GUCY1A1: variants seen among roughly 807,000 people sequenced by gnomAD.
GUCY1A1 encodes the protein guanylate cyclase soluble subunit alpha-1.
Under a neutral mutation model 64.5 loss-of-function variants are expected in GUCY1A1, and 48 were observed. That is an observed-to-expected ratio of 0.74 (90% confidence interval 0.59 to 0.95). The LOEUF (loss-of-function observed/expected upper bound fraction) is 0.95. GUCY1A1 is among the 40% of genes least tolerant of loss of function. GUCY1A1 has a pLI of 0.00. For missense variants in GUCY1A1, 804 were observed against 825.3 expected (o/e 0.97, Z 0.32); for synonymous variants, 308 against 303.4 (o/e 1.02, Z -0.16).
intron 2 of GUCY1A1, among the ~76,000 whole-genome samples, chr4:155,694,579 TG>T (rs1186653497): frequency 6.6e-6 from 1 of 152,230 alleles, no homozygotes; most frequent in Non-Finnish European, 1.5e-5. Flanking sequence ...CTACTGGCTA[TG>T]TTCACAGTCT....
chr4:155,684,325 T>C (rs1366535710), intron 2 of GUCY1A1, among the ~76,000 whole-genome samples: 1 of 152,220 alleles, frequency 6.6e-6, no homozygotes, highest in Non-Finnish European at 1.5e-5. Flanking sequence ...TCATTTCTGG[T>C]AATGATTCTT....
chr4:155,710,425 T>C lies in GUCY1A1; in HGVS notation c.377-117T>C, dbSNP rs552272247. 2.1e-4 allele frequency: 137 copies of C among 644,712 alleles called. No homozygotes were observed. The East Asian group carries it at 3.4e-3, about 16-fold the overall frequency. The allele number at this position is 644,712 out of a possible 1,614,324, so 39.9% of individuals were successfully genotyped here. On this transcript the variant is annotated intron_variant, in intron 5 of 9. Transcript: ENST00000506455. ...GTTTCATTTTGGTTGGAAATGTTAT[T>C]AGCAGATATAAAGGGAGCTAAATCA...
intron 9 of GUCY1A1, chr4:155,722,505 G>A (rs1734098893): frequency 1.0e-6 from 1 of 997,512 alleles, no homozygotes; most frequent in Non-Finnish European, 1.2e-6. Flanking sequence ...ACATCAACTA[G>A]TACACTGCAG....
chr4:155,671,171 G>A (rs1734097417), intron 2 of GUCY1A1, among the ~76,000 whole-genome samples: 1 of 152,068 alleles, frequency 6.6e-6, no homozygotes, highest in South Asian at 2.1e-4. Context: ...ATGGAGCTAT[G>A]GTCTTGGTGA....
At chr4:155,675,638 A>C (rs2128652) in intron 2 of GUCY1A1, among the ~76,000 whole-genome samples, 150,916 of 151,556 alleles carry the variant, frequency 1, 75,175 homozygotes, top group Middle Eastern at 1. Context: ...ATTTCTGCTT[A>C]TTTTCTGTGT....
At chr4:155,724,163 C>G (rs981508591) in intron 9 of GUCY1A1, among the ~76,000 whole-genome samples, 1 of 152,084 alleles carries the variant, frequency 6.6e-6, no homozygotes, top group African/African-American at 2.4e-5. Flanking sequence ...CCCCTCCTGC[C>G]CCTGGTTGAT....
chr4:155,682,279 G>A (rs776239872), intron 2 of GUCY1A1, among the ~76,000 whole-genome samples: 7 of 151,782 alleles, frequency 4.6e-5, no homozygotes, highest in African/African-American at 1.5e-4. Context: ...TGCCACCACC[G>A]CCTAAATCTG....
chr4:155,736,776 A>T lies in GUCY1A1; in HGVS notation c.*6545A>T, dbSNP rs1345469020. ...TTGGTAAATATGCATTGCTATAGGT[A>T]TACCAAGTTTTTTTTGTTATGTTTA... On this transcript the variant is annotated 3_prime_UTR_variant, in exon 10 of 10. Coordinates refer to ENST00000506455, the MANE Select transcript of GUCY1A1 (RefSeq NM_001130682.3). 8 of 152,084 alleles carry T rather than the reference A, an allele frequency of 5.3e-5. No homozygotes were observed. In the South Asian group the frequency reaches 6.2e-4, roughly 12 times the overall value. 9.4% of individuals were successfully genotyped at this position (152,084 alleles called of 1,614,324 possible).
chr4:155,673,163 AG>A (rs1038723576), intron 2 of GUCY1A1, among the ~76,000 whole-genome samples: 1 of 149,344 alleles, frequency 6.7e-6, no homozygotes, highest in African/African-American at 2.6e-5. Context: ...TTTTTTTATA[AG>A]CTTCAACTTA....
In GUCY1A1 at chr4:155,731,647, T is replaced by G. The variant is rs1424313836; in HGVS notation, c.*1416T>G. On this transcript the variant is annotated 3_prime_UTR_variant, in exon 10 of 10. Coordinates refer to ENST00000506455, the MANE Select transcript of GUCY1A1 (RefSeq NM_001130682.3). Reference sequence around the variant, plus strand: ...ATTTGATTTTAAAAACAGCTTGAATTTAAAGCAAGAAAAAGATGAACGTTA... The same window carrying G: ...ATTTGATTTTAAAAACAGCTTGAATGTAAAGCAAGAAAAAGATGAACGTTA... 1 of 151,818 alleles carries G rather than the reference T, an allele frequency of 6.6e-6. No individual in the cohort carries two copies. The highest frequency in any genetic ancestry group is 2.4e-5 in the African/African-American group (1 of 41,404). 9.4% of individuals were successfully genotyped at this position (151,818 alleles called of 1,614,324 possible).
At chr4:155,722,906 T>G (rs551926717) in intron 9 of GUCY1A1, among the ~76,000 whole-genome samples, 52 of 152,192 alleles carry the variant, frequency 3.4e-4, no homozygotes, top group African/African-American at 1.2e-3. Context: ...GATTGAGCTT[T>G]GAGTTTGGTG....
At chr4:155,689,010 A>G (rs1729390886) in intron 2 of GUCY1A1, among the ~76,000 whole-genome samples, 1 of 151,078 alleles carries the variant, frequency 6.6e-6, no homozygotes, top group African/African-American at 2.4e-5. Context: ...CTTCTACGAC[A>G]GAGCATATGG....
chr4:155,736,376 C>T lies in GUCY1A1; in HGVS notation c.*6145C>T, dbSNP rs955209028. Reference sequence around the variant, plus strand: ...ATAAAAGACATAGACTATCACCCCTCCAAAAATGTGCATATGGCCCCATAC... The same window carrying T: ...ATAAAAGACATAGACTATCACCCCTTCAAAAATGTGCATATGGCCCCATAC... On this transcript the variant is annotated 3_prime_UTR_variant, in exon 10 of 10. Coordinates refer to ENST00000506455, the MANE Select transcript of GUCY1A1 (RefSeq NM_001130682.3). The T allele has an allele frequency of 3.3e-5, 5 of 151,906 alleles. No individual in the cohort carries two copies. Among genetic ancestry groups the T allele is most frequent in the African/African-American group, 1.2e-4 (5 of 41,388 alleles). 9.4% of individuals were successfully genotyped at this position (151,906 alleles called of 1,614,324 possible).
At chr4:155,683,497 C>T (rs938751068) in intron 2 of GUCY1A1, among the ~76,000 whole-genome samples, 9 of 152,154 alleles carry the variant, frequency 5.9e-5, no homozygotes, top group African/African-American at 1.9e-4. Context: ...GTTGGATAAA[C>T]TGTGACCTGC....
chr4:155,715,482 A>G (rs1023679186), intron 7 of GUCY1A1, among the ~76,000 whole-genome samples: 5 of 152,172 alleles, frequency 3.3e-5, no homozygotes, highest in African/African-American at 1.2e-4. Flanking sequence ...CAGTGGCTAC[A>G]GAGCTAGAGG....
chr4:155,716,124 T>G (rs1444871825), intron 7 of GUCY1A1, among the ~76,000 whole-genome samples: 2 of 152,026 alleles, frequency 1.3e-5, no homozygotes, highest in Non-Finnish European at 2.9e-5. Flanking sequence ...TGGAAGGCAG[T>G]GACATTGGAA....
rs200367450 is a variant in GUCY1A1 at position 155,730,117 on chromosome 4, C to G, written c.1959C>G (p.Ile653Met). The G allele has an allele frequency of 3.6e-5, 58 of 1,610,866 alleles. No individual in the cohort carries two copies. Among genetic ancestry groups the G allele is most frequent in the Admixed American group, 6.7e-5 (4 of 59,818 alleles). The change falls in exon 10 of 10, where the codon ATC becomes ATG. Residue 653 changes from isoleucine (I) to methionine (M), a missense_variant. Physicochemically the swap from Ile to Met is conservative, Grantham distance 10. Coordinates refer to ENST00000506455, the MANE Select transcript of GUCY1A1 (RefSeq NM_001130682.3). ...ACTTCCCTAGTGAAATCCCCGGAAT[C>G]TGCCATTTTCTGGATGCTTACCAAC... The part of the protein sequence containing the change: ...PPNFPSEIPG[I>M]CHFLDAYQQG...
At chr4:155,680,049 A>G (rs13114009) in intron 2 of GUCY1A1, among the ~76,000 whole-genome samples, 35,058 of 152,140 alleles carry the variant, frequency 0.23, 5,143 homozygotes, top group East Asian at 0.64. Context: ...TATGTCATCA[A>G]TGAAATCTTA....
chr4:155,723,072 C>T (rs1734183516), intron 9 of GUCY1A1, among the ~76,000 whole-genome samples: 2 of 152,098 alleles, frequency 1.3e-5, no homozygotes, highest in South Asian at 4.1e-4. Flanking sequence ...TGGGGCCCTG[C>T]CCCCATTCTG....
Sources: allele counts gnomAD v4.1 joint callset (sites outside exome capture counted in the v4.1 genomes callset), GRCh38; gene constraint gnomAD v4.1.1; transcripts MANE v1.5; gene names NCBI Gene and HGNC (gene_info 2026-07-23, HGNC 2026-07-21).